PPP1R1B: variants seen among roughly 807,000 people sequenced by gnomAD.
PPP1R1B encodes protein phosphatase 1 regulatory inhibitor subunit 1B, also known as protein phosphatase 1 regulatory subunit 1B.
In PPP1R1B, 13 loss-of-function variants were observed where a neutral mutation model predicts 28.2. The ratio of observed to expected loss-of-function variants is 0.46; its 90% CI spans 0.30 to 0.73. The LOEUF (loss-of-function observed/expected upper bound fraction) is 0.73. Among genes scored for constraint, PPP1R1B ranks in the 30% least tolerant of loss-of-function variants. The pLI, the probability that PPP1R1B is intolerant of heterozygous loss-of-function variation, is 0.07. For missense variants in PPP1R1B, 236 were observed against 256.7 expected, an observed-to-expected ratio of 0.92 and a Z score of 0.55; for synonymous variants, 102 against 97.5, an observed-to-expected ratio of 1.05 and a Z score of -0.27.
At chr17:39,631,218 G>C (rs1165902092) in intron 4 of PPP1R1B, among the ~76,000 whole-genome samples, 1 of 152,188 alleles carries the variant, frequency 6.6e-6, no homozygotes, top group African/African-American at 2.4e-5. Context: ...CTGGGCTACA[G>C]AGTGAGAGCC....
chr17:39,633,923 C>T lies in PPP1R1B; in HGVS notation c.282C>T (p.Ser94=). The change falls in exon 5 of 7, where the codon AGC becomes AGT. Residue 94 remains serine, a synonymous_variant. Coordinates refer to ENST00000254079, the MANE Select transcript of PPP1R1B (RefSeq NM_032192.4). Reference sequence around the variant, plus strand: ...CTGAGTCTCACCTGCAGTCTATCAGCAATTTGAATGAGAACCAGGCCTCAG... The same window carrying T: ...CTGAGTCTCACCTGCAGTCTATCAGTAATTTGAATGAGAACCAGGCCTCAG... ...RIAESHLQSI[S]NLNENQASEE... 3 of 1,613,856 alleles carry T rather than the reference C, an allele frequency of 1.9e-6. No individual in the cohort carries two copies. Among genetic ancestry groups the T allele is most frequent in the Non-Finnish European group, 2.5e-6 (3 of 1,179,870 alleles).
chr17:39,634,287 T>C (rs1354043321), intron 5 of PPP1R1B, among the ~76,000 whole-genome samples: 1 of 152,210 alleles, frequency 6.6e-6, no homozygotes, highest in East Asian at 1.9e-4. Flanking sequence ...TCAGTCCCTC[T>C]CCCAATCAGG....
At chr17:39,632,026 CG>C (rs2056881633) in intron 4 of PPP1R1B, 1 of 152,414 alleles carries the variant, frequency 6.6e-6, no homozygotes, top group African/African-American at 2.4e-5. Flanking sequence ...TACCATGCAC[CG>C]TGCAGTGGTC....
intron 3 of PPP1R1B, 158 bp from the exon 4 acceptor site, chr17:39,629,814 C>G (rs1169063324): frequency 2.2e-6 from 2 of 898,000 alleles, no homozygotes; most frequent in African/African-American, 1.7e-5. Flanking sequence ...GGGGGGCCCC[C>G]CCTAAAGCCA....
chr17:39,634,003 A>G lies in PPP1R1B; in HGVS notation c.362A>G (p.Asp121Gly), dbSNP rs1297838615. ...LRELGYPREE[D>G]EEEEEDDEEE... Reference sequence around the variant, plus strand: ...GAGCTGGGTTATCCAAGAGAGGAAGATGAGGAGGAAGAGGAGGATGATGAA... The same window carrying G: ...GAGCTGGGTTATCCAAGAGAGGAAGGTGAGGAGGAAGAGGAGGATGATGAA... The change falls in exon 5 of 7, where the codon GAT becomes GGT. Residue 121 changes from aspartate to glycine, a missense_variant. Transcript: ENST00000254079. The G allele has an allele frequency of 1.2e-6, 2 of 1,613,962 alleles. No homozygotes were observed. The highest frequency in any genetic ancestry group is 1.7e-6 in the Non-Finnish European group (2 of 1,179,928).
At position 39,627,384 on chromosome 17, in the gene PPP1R1B, C is replaced by T. The variant is rs2056845130; in HGVS notation, c.-9C>T. The T allele has an allele frequency of 6.3e-7, 1 of 1,597,564 alleles. No homozygotes were observed. The highest frequency in any genetic ancestry group is 8.5e-7 in the Non-Finnish European group (1 of 1,173,020). On this transcript the variant is annotated 5_prime_UTR_variant, in exon 1 of 7. Coordinates refer to ENST00000254079, the MANE Select transcript of PPP1R1B (RefSeq NM_032192.4). ...GCGCACCCCAGCCCCACCGCCCACCCCGCGCGCCATGGACCCCAAGGACCG... is the reference window on the plus strand; with the variant it reads ...GCGCACCCCAGCCCCACCGCCCACCTCGCGCGCCATGGACCCCAAGGACCG...
intron 4 of PPP1R1B, 106 bp downstream of exon 4, chr17:39,630,153 GC>G: frequency 9.1e-7 from 1 of 1,097,558 alleles, no homozygotes; most frequent in Non-Finnish European, 1.4e-6. Context: ...GCCACACATA[GC>G]CCGCTGTCAG....
intron 4 of PPP1R1B, chr17:39,632,205 C>T (rs1278228548): frequency 6.6e-6 from 1 of 152,442 alleles, no homozygotes; most frequent in Non-Finnish European, 1.5e-5. Flanking sequence ...AGTTTGGGGC[C>T]CCACAGAGTG....
intron 5 of PPP1R1B, among the ~76,000 whole-genome samples, chr17:39,635,336 C>T (rs1350133851): frequency 2.0e-5 from 3 of 152,138 alleles, no homozygotes; most frequent in Admixed American, 6.5e-5. Flanking sequence ...TGGGTGCTGG[C>T]GCTGGGCTGG....
chr17:39,633,984 G>T lies in PPP1R1B; in HGVS notation c.343G>T (p.Gly115Cys). 2 of 1,613,966 alleles carry T rather than the reference G, an allele frequency of 1.2e-6. No individual in the cohort carries two copies. The highest frequency in any genetic ancestry group is 1.7e-6 in the Non-Finnish European group (2 of 1,179,932). ...EDELGELREL[G>C]YPREEDEEEE... ...TGAGCTGGGGGAGCTTCGGGAGCTG[G>T]GTTATCCAAGAGAGGAAGATGAGGA... The change falls in exon 5 of 7, where the codon GGT becomes TGT. Residue 115 changes from glycine (G) to cysteine (C), a missense_variant. Coordinates refer to ENST00000254079, the MANE Select transcript of PPP1R1B (RefSeq NM_032192.4).
Position 39,630,110 on chromosome 17 carries a change from G to A in PPP1R1B, c.241+63G>A, listed in dbSNP as rs371652177. The A allele has an allele frequency of 2.6e-5, 39 of 1,486,896 alleles. No individual in the cohort carries two copies. In the East Asian group the frequency reaches 3.2e-4, roughly 12 times the overall value. The allele number at this position is 1,486,896 out of a possible 1,614,324, so 92.1% of individuals were successfully genotyped here. On this transcript the variant is annotated intron_variant, in intron 4 of 6. Coordinates refer to ENST00000254079, the MANE Select transcript of PPP1R1B (RefSeq NM_032192.4). The stretch of plus-strand genomic sequence containing the variant: ...GATCCCTGGAACTGGGCAGACGCTA[G>A]GGGAGCTTTTGTCAGTGGGGAGGGA...
Position 39,635,683 on chromosome 17 carries a change from A to G in PPP1R1B, c.522A>G (p.Arg174=). ...CACCCCCTCTGGATGAGTCCGAGAG[A>G]GATGGAGGCTCTGAGGACCAAGTGG... ...ERPPPLDESE[R]DGGSEDQVED... Residue 174 remains arginine, a synonymous_variant, in exon 6 of 7, where the codon AGA becomes AGG. Coordinates refer to ENST00000254079, the MANE Select transcript of PPP1R1B (RefSeq NM_032192.4). 1 of 1,613,886 alleles carries G rather than the reference A, an allele frequency of 6.2e-7. No homozygotes were observed. The highest frequency in any genetic ancestry group is 1.6e-4 in the Middle Eastern group (1 of 6,062).
chr17:39,627,350 C>CCG lies in PPP1R1B; in HGVS notation c.-42_-41insGC. The CCG allele has an allele frequency of 7.0e-7, 1 of 1,421,012 alleles. No individual in the cohort carries two copies. Among genetic ancestry groups the CCG allele is most frequent in the Non-Finnish European group, 9.7e-7 (1 of 1,026,288 alleles). 88.0% of individuals were successfully genotyped at this position (1,421,012 alleles called of 1,614,324 possible). On this transcript the variant is annotated 5_prime_UTR_variant, in exon 1 of 7. Coordinates refer to ENST00000254079, the MANE Select transcript of PPP1R1B (RefSeq NM_032192.4). ...AGCCCAGCACAGACCGCCGCCGGGA[C>CCG]CCCGAGTCGCGCACCCCAGCCCCAC...
At chr17:39,630,150 A>G (rs1404380286) in intron 4 of PPP1R1B, 103 bp downstream of exon 4, 4 of 1,112,690 alleles carry the variant, frequency 3.6e-6, no homozygotes, top group Non-Finnish European at 4.0e-6. Flanking sequence ...TTCGCCACAC[A>G]TAGCCCGCTG....
At position 39,635,974 on chromosome 17, in the gene PPP1R1B, G is replaced by A. The variant is rs1397167659; in HGVS notation, c.*109G>A. ...GCTCTTCCCCTCGCCTGCTAGGGCT[G>A]CGGCTTCTGACTTCTAGAAGACTAA... is the stretch of plus-strand genomic sequence containing the variant. On this transcript the variant is annotated 3_prime_UTR_variant, in exon 7 of 7. Transcript: ENST00000254079. The A allele has an allele frequency of 1.7e-5, 21 of 1,230,746 alleles. No homozygotes were observed. The highest frequency in any genetic ancestry group is 2.4e-5 in the Non-Finnish European group (21 of 873,592). 76.2% of individuals were successfully genotyped at this position (1,230,746 alleles called of 1,614,324 possible).
intron 1 of PPP1R1B, 36 bp downstream of exon 1, chr17:39,627,509 G>C (rs761520084): frequency 7.5e-7 from 1 of 1,331,742 alleles, no homozygotes; most frequent in Non-Finnish European, 1.0e-6. Flanking sequence ...CAGCGTACCC[G>C]ACACACCCCG....
chr17:39,634,148 G>A lies in PPP1R1B; in HGVS notation c.445+62G>A, dbSNP rs186200114. On this transcript the variant is annotated intron_variant, in intron 5 of 6. Coordinates refer to ENST00000254079, the MANE Select transcript of PPP1R1B (RefSeq NM_032192.4). ...GGGTCCTCCTTGAGTATACGAGGACGTCCCCTTCTAGTTCAGTGTCTCATA... is the reference window on the plus strand; with the variant it reads ...GGGTCCTCCTTGAGTATACGAGGACATCCCCTTCTAGTTCAGTGTCTCATA... The A allele has an allele frequency of 4.4e-4, 706 of 1,593,424 alleles. 5 individuals carry two copies. The Admixed American group carries it at 8.2e-3, about 18-fold the overall frequency.
At chr17:39,629,298 C>T in intron 2 of PPP1R1B, 68 bp downstream of exon 2, 1 of 1,516,404 alleles carries the variant, frequency 6.6e-7, no homozygotes, top group South Asian at 1.1e-5. Flanking sequence ...GGGGCCCTGC[C>T]AAAGTCCCAT....
At chr17:39,633,856 T>C (rs1308679780) in intron 4 of PPP1R1B, 27 bp from the exon 5 acceptor site, 1 of 1,612,188 alleles carries the variant, frequency 6.2e-7, no homozygotes, top group African/African-American at 1.3e-5. Context: ...AGCTGACCCT[T>C]GCTTTCCTCG....
Sources: allele counts gnomAD v4.1 joint callset (sites outside exome capture counted in the v4.1 genomes callset), GRCh38; gene constraint gnomAD v4.1.1; transcripts MANE v1.5; gene names NCBI Gene and HGNC (gene_info 2026-07-23, HGNC 2026-07-21).